SARDH: variants seen among roughly 807,000 people sequenced by gnomAD.
The protein encoded by SARDH is sarcosine dehydrogenase, also known as sarcosine dehydrogenase, mitochondrial.
SARDH carries 95 observed loss-of-function variants against 109.1 expected under a neutral mutation model. The observed-to-expected ratio is 0.87, with a 90% confidence interval of 0.74 to 1.03. The LOEUF (loss-of-function observed/expected upper bound fraction) is 1.03. Among genes scored for constraint, SARDH ranks in the 50% least tolerant of loss-of-function variants. SARDH has a pLI of 0.00. For missense variants in SARDH, 1,267 were observed against 1,287.8 expected (o/e 0.98, Z 0.25); for synonymous variants, 572 against 534.8 (o/e 1.07, Z -0.96).
At chr9:133,730,700 G>A (rs150907496) in intron 4 of SARDH, among the ~76,000 whole-genome samples, 5 of 152,082 alleles carry the variant, frequency 3.3e-5, no homozygotes, top group Non-Finnish European at 7.4e-5. Context: ...TCTACAGGCC[G>A]GGGGTGGTGG....
intron 1 of SARDH, among the ~76,000 whole-genome samples, chr9:133,735,164 C>T (rs10124431): frequency 4.9e-4 from 75 of 152,314 alleles, no homozygotes; most frequent in African/African-American, 1.5e-3. Context: ...TCCTCCTGGG[C>T]AGGCCCCTCC....
At chr9:133,694,736 G>A (rs1169739564) in intron 14 of SARDH, among the ~76,000 whole-genome samples, 4 of 152,364 alleles carry the variant, frequency 2.6e-5, no homozygotes, top group Admixed American at 6.5e-5. Context: ...TCCTAGCTCC[G>A]TGCCTGGTAC....
At chr9:133,662,713 C>CT (rs1047785765), downstream of SARDH, among the ~76,000 whole-genome samples, 1 of 152,240 alleles carries the variant, frequency 6.6e-6, no homozygotes, top group African/African-American at 2.4e-5. This position sits in a 1 kb window ranked among gnomAD's most constrained non-coding sequence, Gnocchi z 5.1. Context: ...CCCCAGATCG[C>CT]TGTTTGCTGT....
downstream of SARDH, among the ~76,000 whole-genome samples, chr9:133,659,501 C>G (rs1362438032): frequency 1.3e-5 from 2 of 152,202 alleles, no homozygotes; most frequent in Non-Finnish European, 2.9e-5. Flanking sequence ...TGAGCTGCCT[C>G]TCAGGGACAA....
At position 133,696,225 on chromosome 9, in the gene SARDH, G is replaced by A; in HGVS notation, c.1805C>T (p.Pro602Leu). Residue 602 changes from proline (P) to leucine (L), a missense_variant and splice_region_variant, in exon 14 of 21, where the codon CCA becomes CTA. Coordinates refer to ENST00000439388, the MANE Select transcript of SARDH (RefSeq NM_001134707.2). ...WLFSADVSRP[P>L]GSTVYTCMLN... ...CCCCCCAACCTCAGGCTCCATACCT[G>A]GGGGTCGGCTGACATCTGCGGAGAA... 6.2e-7 allele frequency: 1 copy of A among 1,613,658 alleles called. No individual in the cohort carries two copies.
At chr9:133,688,331 C>A (rs1260278933) in intron 16 of SARDH, among the ~76,000 whole-genome samples, 1 of 152,118 alleles carries the variant, frequency 6.6e-6, no homozygotes, top group Non-Finnish European at 1.5e-5. Flanking sequence ...GTCTCTGTCC[C>A]CTACCCTCCC....
intron 16 of SARDH, among the ~76,000 whole-genome samples, chr9:133,685,592 T>C (rs980031629): frequency 6.6e-6 from 1 of 152,112 alleles, no homozygotes; most frequent in African/African-American, 2.4e-5. Flanking sequence ...TATCTAACCA[T>C]AGAATGCCCT....
intron 14 of SARDH, among the ~76,000 whole-genome samples, chr9:133,695,191 C>T (rs1831239393): frequency 6.6e-6 from 1 of 152,144 alleles, no homozygotes; most frequent in Admixed American, 6.5e-5. Context: ...ACCTGTAATC[C>T]CAGCACTTTG....
downstream of SARDH, among the ~76,000 whole-genome samples, chr9:133,661,516 T>C (rs897647926): frequency 6.6e-6 from 1 of 151,922 alleles, no homozygotes; most frequent in Non-Finnish European, 1.5e-5. Context: ...AGTTTCCCTC[T>C]TGTTGCCCAG....
chr9:133,731,574 C>A, intron 3 of SARDH, 90 bp from the exon 4 acceptor site: 5 of 1,329,308 alleles, frequency 3.8e-6, no homozygotes, highest in Non-Finnish European at 5.3e-6. Flanking sequence ...CCGCAAACCC[C>A]AGCCTCACTT....
chr9:133,690,585 G>A (rs983936637), intron 15 of SARDH, 58 bp from the exon 16 acceptor site: 4 of 1,568,316 alleles, frequency 2.6e-6, no homozygotes, highest in Non-Finnish European at 3.5e-6. Context: ...GGTGGGGACA[G>A]AGAGGGTGGC....
Position 133,718,922 on chromosome 9 carries a change from G to T in SARDH, c.1020+16C>A, listed in dbSNP as rs561402059. 12 of 1,588,476 alleles carry T rather than the reference G, an allele frequency of 7.6e-6. No individual in the cohort carries two copies. In the East Asian group the frequency reaches 2.7e-4, roughly 35 times the overall value. ...CCCCAACTCCCTCCCATTATCCCAG[G>T]GCCCTGGCATCTTACCTCCTCCCAA... is the stretch of plus-strand genomic sequence containing the variant. On this transcript the variant is annotated intron_variant, in intron 7 of 20. Coordinates refer to ENST00000439388, the MANE Select transcript of SARDH (RefSeq NM_001134707.2). This position sits in a 1 kb window ranked among gnomAD's most constrained non-coding sequence, Gnocchi z 4.2.
At chr9:133,698,112 T>G (rs954387624) in intron 13 of SARDH, among the ~76,000 whole-genome samples, 1 of 150,158 alleles carries the variant, frequency 6.7e-6, no homozygotes, top group African/African-American at 2.4e-5. Context: ...CACAAAAAAC[T>G]ATTGTATTTC....
intron 20 of SARDH, among the ~76,000 whole-genome samples, chr9:133,664,343 C>A (rs992524119): frequency 6.6e-6 from 1 of 152,352 alleles, no homozygotes; most frequent in Non-Finnish European, 1.5e-5. Flanking sequence ...TCCCCGGACC[C>A]GGGCAAGCAC....
chr9:133,677,149 G>C (rs1181267601), intron 17 of SARDH, among the ~76,000 whole-genome samples: 1 of 152,050 alleles, frequency 6.6e-6, no homozygotes, highest in African/African-American at 2.4e-5. Context: ...AAATACATAA[G>C]ACAGAGAGAG....
intron 20 of SARDH, 123 bp from the exon 21 acceptor site, chr9:133,664,137 G>A (rs1829975838): frequency 1.5e-6 from 2 of 1,317,132 alleles, no homozygotes; most frequent in Admixed American, 2.5e-5. Flanking sequence ...ACTCATCCCT[G>A]TGCCAGGGAC....
intron 18 of SARDH, 113 bp from the exon 19 acceptor site, chr9:133,670,865 A>C: frequency 4.5e-5 from 61 of 1,364,590 alleles, no homozygotes; most frequent in Non-Finnish European, 5.1e-5. Context: ...CCACACTCTC[A>C]GAGCTGCTTA....
At chr9:133,695,184 T>C (rs1219487134) in intron 14 of SARDH, among the ~76,000 whole-genome samples, 1 of 152,218 alleles carries the variant, frequency 6.6e-6, no homozygotes. Flanking sequence ...GGCTCACACC[T>C]GTAATCCCAG....
rs899077968 is a variant in SARDH at position 133,666,896 on chromosome 9, G to A, written c.2496-26C>T. 2 of 1,611,620 alleles carry A rather than the reference G, an allele frequency of 1.2e-6. No individual in the cohort carries two copies. Among genetic ancestry groups the A allele is most frequent in the African/African-American group, 1.3e-5 (1 of 75,034 alleles). ...CTGGAAGAAGCAGTAGAGAAAGCTG[G>A]GGCCCCAGAAACCGCAGGGTGGGGA... On this transcript the variant is annotated intron_variant, in intron 19 of 20. Coordinates refer to ENST00000439388, the MANE Select transcript of SARDH (RefSeq NM_001134707.2). The surrounding 1 kb of genome is among the most constrained non-coding windows in gnomAD (Gnocchi z 5.2).
Sources: gnomAD v4.1 joint callset for allele counts (sites outside exome capture counted in the v4.1 genomes callset) on GRCh38, gnomAD v4.1.1 for gene constraint, Gnocchi (gnomAD v3.1) non-coding constraint, MANE v1.5 for transcripts, NCBI Gene and HGNC (gene_info 2026-07-23, HGNC 2026-07-21) for gene names.